The following MYO9A variants were observed in gnomAD, a reference collection of about 807,000 sequenced individuals.
MYO9A encodes myosin IXA.
MYO9A carries 103 observed loss-of-function variants against 293.3 expected under a neutral mutation model. The ratio of observed to expected loss-of-function variants is 0.35; its 90% CI spans 0.30 to 0.41. MYO9A has a LOEUF of 0.41. MYO9A is among the 10% of genes least tolerant of loss of function. The probability of loss-of-function intolerance (pLI) is 1.00; values close to 1 mark genes in which losing one functional copy is unlikely to be tolerated. For missense variants in MYO9A, 2,685 were observed against 3,033.0 expected (o/e 0.89, Z 2.69); for synonymous variants, 1,001 against 1,035.7 (o/e 0.97, Z 0.64).
rs532078691 is a variant in MYO9A, at chr15:71,909,757, CCT to C, written c.2686-4753_2686-4752del. On this transcript the variant is annotated intron_variant, in intron 19 of 41. Transcript: ENST00000356056. ...GAAGTCTTACAACTATATATAGACC[CCT>C]GTTACTGTTGTGAAATTACATCAAC... Among the ~76,000 whole-genome samples the C allele has an allele frequency of 3.6e-4, 55 of 152,150 alleles. 1 individual carries two copies. The highest frequency in any genetic ancestry group is 9.4e-4 in the African/African-American group (39 of 41,514).
intron 8 of MYO9A, among the ~76,000 whole-genome samples, chr15:72,004,964 A>T (rs898984754): frequency 1.3e-5 from 2 of 152,220 alleles, no homozygotes; most frequent in African/African-American, 4.8e-5. Context: ...CTGAATGTTA[A>T]ATAATCCAGT....
At chr15:71,987,264 T>C (rs2076430046) in intron 11 of MYO9A, among the ~76,000 whole-genome samples, 1 of 152,196 alleles carries the variant, frequency 6.6e-6, no homozygotes, top group Non-Finnish European at 1.5e-5. Flanking sequence ...ATCCTCATCA[T>C]TAAGTGACAC....
chr15:71,874,110 G>C (rs2056606080), intron 32 of MYO9A, among the ~76,000 whole-genome samples: 1 of 152,180 alleles, frequency 6.6e-6, no homozygotes, highest in Non-Finnish European at 1.5e-5. Flanking sequence ...TTGTGAAAAG[G>C]CAGAAACTTC....
chr15:71,905,077 A>T, intron 19 of MYO9A, 71 bp from the exon 20 acceptor site: 1 of 1,333,448 alleles, frequency 7.5e-7, no homozygotes, highest in Admixed American at 2.0e-5. Context: ...TATAACTATA[A>T]TCAACATGCT....
intron 3 of MYO9A, among the ~76,000 whole-genome samples, chr15:72,029,628 G>A (rs956923563): frequency 2.6e-5 from 4 of 152,132 alleles, no homozygotes; most frequent in Admixed American, 6.5e-5. Flanking sequence ...ATAGGTGGAC[G>A]GACTACGATC....
Position 71,994,675 on chromosome 15 carries a change from C to T in MYO9A, c.1471-90G>A, listed in dbSNP as rs2076645486. 29 of 632,444 alleles carry T rather than the reference C, an allele frequency of 4.6e-5. 1 individual carries two copies. The South Asian group carries it at 8.6e-4, about 19-fold the overall frequency. 39.2% of individuals were successfully genotyped at this position (632,444 alleles called of 1,614,324 possible). A position where few individuals can be genotyped will look rare whatever the true frequency, so the allele number is the denominator to read the frequency against. On this transcript the variant is annotated intron_variant, in intron 9 of 41. Coordinates refer to ENST00000356056, the MANE Select transcript of MYO9A (RefSeq NM_006901.4). Reference sequence around the variant, plus strand: ...TGTTTGCTCCCATTCAAGAAAGAAACTTACTATCCTGAATTAGAAATGAAT... The same window carrying T: ...TGTTTGCTCCCATTCAAGAAAGAAATTTACTATCCTGAATTAGAAATGAAT...
chr15:71,878,238 G>T lies in MYO9A; in HGVS notation c.5740-7C>A. 1 of 1,510,918 alleles carries T rather than the reference G, an allele frequency of 6.6e-7. No individual in the cohort carries two copies. Among genetic ancestry groups the T allele is most frequent in the East Asian group, 2.4e-5 (1 of 41,682 alleles). 93.6% of individuals were successfully genotyped at this position (1,510,918 alleles called of 1,614,324 possible). A position where few individuals can be genotyped will look rare whatever the true frequency, so the allele number is the denominator to read the frequency against. Reference sequence around the variant, plus strand: ...TGCTTTTCCCATCATCCATCTATAAGCAATAAGAAAAGAAATGTATGGTTT... The same window carrying T: ...TGCTTTTCCCATCATCCATCTATAATCAATAAGAAAAGAAATGTATGGTTT... On this transcript the variant is annotated splice_region_variant and splice_polypyrimidine_tract_variant and intron_variant, in intron 30 of 41. Transcript: ENST00000356056.
intron 32 of MYO9A, among the ~76,000 whole-genome samples, chr15:71,863,305 T>G (rs1015890706): frequency 1.3e-5 from 2 of 152,090 alleles, no homozygotes; most frequent in Non-Finnish European, 2.9e-5. Context: ...AGAGAGCTTT[T>G]GTTTACATGA....
At chr15:71,940,205 T>C (rs993476086) in intron 15 of MYO9A, among the ~76,000 whole-genome samples, 2 of 151,978 alleles carry the variant, frequency 1.3e-5, no homozygotes, top group Non-Finnish European at 2.9e-5. Context: ...GTTTAAATCA[T>C]GCAAATGGGC....
In MYO9A at chr15:71,825,398, T is replaced by TAACAAAAATAGCTTC. The variant is rs2054437120; in HGVS notation, c.*1167_*1181dup. ...CAATAAACTTCAGTAACCAGAATAT[T>TAACAAAAATAGCTTC]AACAAAAATAGCTTCAAGTAGTCCT... is the stretch of plus-strand genomic sequence containing the variant. On this transcript the variant is annotated 3_prime_UTR_variant, in exon 42 of 42. Transcript: ENST00000356056. 6.6e-6 allele frequency: 1 copy of TAACAAAAATAGCTTC among 152,214 alleles called. No homozygotes were observed. The highest frequency in any genetic ancestry group is 2.4e-5 in the African/African-American group (1 of 41,446). The allele number at this position is 152,214 out of a possible 1,614,324, so 9.4% of individuals were successfully genotyped here.
intron 3 of MYO9A, among the ~76,000 whole-genome samples, chr15:72,031,618 A>T (rs2077873996): frequency 6.6e-6 from 1 of 152,174 alleles, no homozygotes; most frequent in African/African-American, 2.4e-5. Context: ...AGCTGCATAA[A>T]CTGAAATCAC....
chr15:71,917,103 A>G (rs2058031072), intron 18 of MYO9A, among the ~76,000 whole-genome samples: 1 of 152,216 alleles, frequency 6.6e-6, no homozygotes, highest in Admixed American at 6.5e-5. Flanking sequence ...TTAACATGTG[A>G]CTTCTAATGA....
intron 33 of MYO9A, among the ~76,000 whole-genome samples, chr15:71,860,205 CTA>C (rs1227159026): frequency 6.6e-6 from 1 of 152,140 alleles, no homozygotes; most frequent in Non-Finnish European, 1.5e-5. Context: ...AGAATCATTC[CTA>C]TAGATAAGGA....
At chr15:71,875,973 T>G in intron 31 of MYO9A, 135 bp from the exon 32 acceptor site, 1 of 447,234 alleles carries the variant, frequency 2.2e-6, no homozygotes, top group Non-Finnish European at 3.8e-6. Flanking sequence ...AGAGGAACTG[T>G]GCAGTGCTAA....
At chr15:72,113,047 A>G (rs2080837808) in intron 1 of MYO9A, among the ~76,000 whole-genome samples, 1 of 152,198 alleles carries the variant, frequency 6.6e-6, no homozygotes, top group African/African-American at 2.4e-5. Flanking sequence ...CCTGGGCAAC[A>G]CAGTGAGACC....
chr15:71,863,356 GA>G (rs896132618), intron 32 of MYO9A, among the ~76,000 whole-genome samples: 1 of 151,260 alleles, frequency 6.6e-6, no homozygotes, highest in Non-Finnish European at 1.5e-5. Flanking sequence ...AATTAAAGCT[GA>G]AAAAAATTTA....
intron 26 of MYO9A, chr15:71,893,353 A>C: frequency 2.3e-6 from 1 of 437,390 alleles, no homozygotes; most frequent in Non-Finnish European, 4.0e-6. Flanking sequence ...GAATCTGTAT[A>C]CATTACTCTG....
At chr15:72,062,945 C>G (rs1182983160) in intron 1 of MYO9A, among the ~76,000 whole-genome samples, 2 of 152,132 alleles carry the variant, frequency 1.3e-5, no homozygotes, top group African/African-American at 4.8e-5. Flanking sequence ...TCACTTGAAC[C>G]CAACAGGTCA....
At chr15:71,998,876 A>G (rs1374859426) in intron 9 of MYO9A, 1 of 151,950 alleles carries the variant, frequency 6.6e-6, no homozygotes, top group South Asian at 2.1e-4. Flanking sequence ...ATGATTTCCA[A>G]TTTCACCCAT....
Sources: gnomAD v4.1 joint callset for allele counts (sites outside exome capture counted in the v4.1 genomes callset) on GRCh38, gnomAD v4.1.1 for gene constraint, MANE v1.5 for transcripts, NCBI Gene and HGNC (gene_info 2026-07-23, HGNC 2026-07-21) for gene names.